The following CAMTA1 variants were observed in gnomAD, a reference collection of about 807,000 sequenced individuals.
The protein encoded by CAMTA1 is calmodulin-binding transcription activator 1.
In CAMTA1, 27 loss-of-function variants were observed where a neutral mutation model predicts 170.9. The observed-to-expected ratio is 0.16, with a 90% confidence interval of 0.12 to 0.22. The LOEUF is 0.22. Ranked by LOEUF, CAMTA1 falls within the 10% of genes least tolerant of loss-of-function variation. The pLI, the probability that CAMTA1 is intolerant of heterozygous loss-of-function variation, is 1.00. For missense variants in CAMTA1, 1,619 were observed against 2,217.2 expected, an observed-to-expected ratio of 0.73 and a Z score of 5.42; for synonymous variants, 833 against 891.5, an observed-to-expected ratio of 0.93 and a Z score of 1.17.
intron 22 of CAMTA1, among the ~76,000 whole-genome samples, chr1:7,758,385 C>T (rs536566787): frequency 1.5e-3 from 233 of 152,202 alleles, no homozygotes; most frequent in Non-Finnish European, 2.8e-3. Flanking sequence ...TTATGCCTCA[C>T]GACATCTATG....
In CAMTA1 at chr1:7,299,631, TC is replaced by T. The variant is rs1187017089; in HGVS notation, c.438+50008del. On this transcript the variant is annotated intron_variant, in intron 5 of 22. Coordinates refer to ENST00000303635, the MANE Select transcript of CAMTA1 (RefSeq NM_015215.4). This position sits in a 1 kb window ranked among gnomAD's most constrained non-coding sequence, Gnocchi z 4.7. Reference sequence around the variant, plus strand: ...CGATTAAGCCTCCACTTCCATCTCCTCCCTGGCCACATTCAGGCAGCAATGC... The same window carrying T: ...CGATTAAGCCTCCACTTCCATCTCCTCCTGGCCACATTCAGGCAGCAATGC... 6.6e-6 allele frequency among the ~76,000 whole-genome samples: 1 copy of T among 152,008 alleles called. No homozygotes were observed. The highest frequency in any genetic ancestry group is 1.5e-5 in the Non-Finnish European group (1 of 67,998).
At chr1:7,445,059 A>G (rs12022081) in intron 5 of CAMTA1, among the ~76,000 whole-genome samples, 15,506 of 117,388 alleles carry the variant, frequency 0.13, 1,645 homozygotes, top group East Asian at 0.42. Context: ...GAGGTGGGGG[A>G]TGGGGTGGGG....
chr1:7,469,366 C>G (rs954683020), intron 6 of CAMTA1, among the ~76,000 whole-genome samples: 2 of 152,188 alleles, frequency 1.3e-5, no homozygotes, highest in Non-Finnish European at 2.9e-5. Flanking sequence ...CTCCTCTACC[C>G]GATGAAGGGT....
chr1:6,965,195 G>A lies in CAMTA1; in HGVS notation c.235-126109G>A, dbSNP rs915989338. Among the ~76,000 whole-genome samples, 4 of 152,204 alleles carry A rather than the reference G, an allele frequency of 2.6e-5. No individual in the cohort carries two copies. Among genetic ancestry groups the A allele is most frequent in the Non-Finnish European group, 5.9e-5 (4 of 68,036 alleles). Reference sequence around the variant, plus strand: ...AGTAGTGAGTGTGGTATGAGCATGAGTGTGTGTGTATGACTTTGTGTGCTT... The same window carrying A: ...AGTAGTGAGTGTGGTATGAGCATGAATGTGTGTGTATGACTTTGTGTGCTT... On this transcript the variant is annotated intron_variant, in intron 3 of 22. Transcript: ENST00000303635. The surrounding 1 kb of genome is among the most constrained non-coding windows in gnomAD (Gnocchi z 4.1).
chr1:7,071,351 T>C (rs1191389302), intron 3 of CAMTA1, among the ~76,000 whole-genome samples: 4 of 152,218 alleles, frequency 2.6e-5, no homozygotes, highest in Admixed American at 6.5e-5. Context: ...GGTACAGACA[T>C]TGATTTCACC....
Position 7,065,512 on chromosome 1 carries a change from A to G in CAMTA1, c.235-25792A>G, listed in dbSNP as rs1484842314. ...TAATTTTGACTGGGCAACTATGCAG[A>G]AGAAAGCCCGCTTTAGGAGTGAGGT... On this transcript the variant is annotated intron_variant, in intron 3 of 22. Transcript: ENST00000303635. The surrounding 1 kb of genome is among the most constrained non-coding windows in gnomAD (Gnocchi z 5.2). 6.6e-6 allele frequency among the ~76,000 whole-genome samples: 1 copy of G among 152,174 alleles called. No homozygotes were observed. Among genetic ancestry groups the G allele is most frequent in the African/African-American group, 2.4e-5 (1 of 41,430 alleles).
chr1:7,161,354 G>A (rs6675661), intron 4 of CAMTA1, among the ~76,000 whole-genome samples: 82,864 of 151,952 alleles, frequency 0.55, 23,534 homozygotes, highest in Admixed American at 0.62. Context: ...CACCCAGGAA[G>A]CCTTCTGTGA....
chr1:7,150,302 G>A (rs1266329598), intron 4 of CAMTA1, among the ~76,000 whole-genome samples: 3 of 152,208 alleles, frequency 2.0e-5, no homozygotes, highest in African/African-American at 7.2e-5. Context: ...GACTGGGTGT[G>A]ATTAAGGAAA....
chr1:6,960,563 C>A (rs200492111), intron 3 of CAMTA1, among the ~76,000 whole-genome samples: 1 of 152,178 alleles, frequency 6.6e-6, no homozygotes, highest in Admixed American at 6.5e-5. Flanking sequence ...ACTCCCCCAC[C>A]GCCTGAAGCA....
chr1:7,241,722 A>G (rs1458571273), intron 4 of CAMTA1, among the ~76,000 whole-genome samples: 1 of 152,194 alleles, frequency 6.6e-6, no homozygotes, highest in Admixed American at 6.5e-5. Flanking sequence ...TTTAAATTTA[A>G]AAAATGGTGC....
At chr1:7,281,352 G>A (rs962943303) in intron 5 of CAMTA1, among the ~76,000 whole-genome samples, 1 of 152,102 alleles carries the variant, frequency 6.6e-6, no homozygotes, top group Non-Finnish European at 1.5e-5. Flanking sequence ...TCAAAGGCCT[G>A]GTCTGCCACA....
intron 3 of CAMTA1, among the ~76,000 whole-genome samples, chr1:6,917,478 ATGGAGC>A (rs1681061205): frequency 6.6e-6 from 1 of 150,650 alleles, no homozygotes; most frequent in African/African-American, 2.4e-5. Context: ...GAGTGTGGCA[ATGGAGC>A]TGGAGAGAAG....
At position 7,122,423 on chromosome 1, in the gene CAMTA1, G is replaced by C. The variant is rs577224053; in HGVS notation, c.302+31052G>C. The stretch of plus-strand genomic sequence containing the variant: ...AGGAGTGTGCATATTCGTAGGGGGT[G>C]CCTGGCGATCAGAGCACTTTAGGGG... On this transcript the variant is annotated intron_variant, in intron 4 of 22. Transcript: ENST00000303635. Among the ~76,000 whole-genome samples, 7 of 152,130 alleles carry C rather than the reference G, an allele frequency of 4.6e-5. No individual in the cohort carries two copies. The South Asian group carries it at 1.5e-3, about 32-fold the overall frequency.
At chr1:7,049,167 A>G (rs1007041174) in intron 3 of CAMTA1, among the ~76,000 whole-genome samples, 7 of 152,200 alleles carry the variant, frequency 4.6e-5, no homozygotes, top group African/African-American at 7.2e-5. Context: ...TACGAACTAC[A>G]GGCTGGTTCT....
intron 6 of CAMTA1, among the ~76,000 whole-genome samples, chr1:7,514,190 C>T (rs756168600): frequency 6.6e-6 from 1 of 152,224 alleles, no homozygotes; most frequent in Non-Finnish European, 1.5e-5. Context: ...GCTCAGATCT[C>T]CATGCCTCGG....
intron 5 of CAMTA1, among the ~76,000 whole-genome samples, chr1:7,347,487 T>C (rs973915433): frequency 1.3e-5 from 2 of 152,214 alleles, no homozygotes; most frequent in African/African-American, 4.8e-5. Flanking sequence ...TGGTTTTGAT[T>C]TTTGAAGACG....
chr1:6,848,291 G>A (rs1226956515), intron 3 of CAMTA1, among the ~76,000 whole-genome samples: 2 of 152,150 alleles, frequency 1.3e-5, no homozygotes, highest in African/African-American at 4.8e-5. Context: ...TGAGACCACA[G>A]GGGTGCACCA....
rs2096895986 is a variant in CAMTA1 at position 7,751,361 on chromosome 1, C to T, written c.4852C>T (p.Arg1618Trp). 4 of 1,606,936 alleles carry T rather than the reference C, an allele frequency of 2.5e-6. No individual in the cohort carries two copies. Among genetic ancestry groups the T allele is most frequent in the Admixed American group, 3.5e-5 (2 of 57,878 alleles). Reference protein sequence around the residue: ...KKCGKRRQARRTAVIVQQKLR... With the variant: ...KKCGKRRQARWTAVIVQQKLR... ...ATGTGGCAAAAGACGGCAGGCTCGC[C>T]GGACGGCTGTGATTGTACAACAGAA... The change falls in exon 20 of 23, where the codon CGG (arginine) becomes TGG (tryptophan). Residue 1618 changes from arginine to tryptophan, a missense_variant. By Grantham distance (101) the Arg-to-Trp change is moderately radical. Around this residue, in one of 8 missense-constraint regions of CAMTA1, gnomAD observed 128 missense variants for 213.5 expected, o/e 0.60. Coordinates refer to ENST00000303635, the MANE Select transcript of CAMTA1 (RefSeq NM_015215.4).
chr1:7,341,624 T>C (rs1037507508), intron 5 of CAMTA1, among the ~76,000 whole-genome samples: 7 of 152,162 alleles, frequency 4.6e-5, no homozygotes, highest in Non-Finnish European at 1.0e-4. Context: ...CATGGGGTGG[T>C]GGTGACCCCA....
Sources: gnomAD v4.1 joint callset for allele counts (sites outside exome capture counted in the v4.1 genomes callset) on GRCh38, gnomAD v4.1.1 for gene constraint, gnomAD v4.1.1 regional missense constraint, Gnocchi (gnomAD v3.1) non-coding constraint, MANE v1.5 for transcripts, NCBI Gene and HGNC (gene_info 2026-07-23, HGNC 2026-07-21) for gene names.